The following RBM27 variants were observed in gnomAD, a reference collection of about 807,000 sequenced individuals.
RBM27 encodes the protein RNA binding motif protein 27.
RBM27 carries 22 observed loss-of-function variants against 135.3 expected under a neutral mutation model. The ratio of observed to expected loss-of-function variants is 0.16; its 90% CI spans 0.12 to 0.23. The LOEUF (loss-of-function observed/expected upper bound fraction) is 0.23, where lower values mean the gene tolerates loss of function less well. RBM27 is among the 10% of genes least tolerant of loss of function. The probability of loss-of-function intolerance (pLI) is 1.00; values close to 1 mark genes in which losing one functional copy is unlikely to be tolerated. For synonymous variants in RBM27, 481 were observed against 442.4 expected, an observed-to-expected ratio of 1.09 and a Z score of -1.10; for missense variants, 1,009 against 1,281.0, an observed-to-expected ratio of 0.79 and a Z score of 3.24.
intron 1 of RBM27, among the ~76,000 whole-genome samples, 158 bp downstream of exon 1, chr5:146,203,982 G>A (rs1196577856): frequency 6.6e-6 from 1 of 152,124 alleles, no homozygotes; most frequent in South Asian, 2.1e-4. Flanking sequence ...TTGTGGTGGG[G>A]GTGAGGGTGG....
intron 8 of RBM27, among the ~76,000 whole-genome samples, chr5:146,248,724 C>T (rs1299308251): frequency 6.6e-6 from 1 of 152,190 alleles, no homozygotes; most frequent in Non-Finnish European, 1.5e-5. Context: ...CCTTGGCCTC[C>T]CAAAGTGCTG....
At chr5:146,283,557 A>G (rs1759455193) in intron 19 of RBM27, among the ~76,000 whole-genome samples, 1 of 151,968 alleles carries the variant, frequency 6.6e-6, no homozygotes, top group South Asian at 2.1e-4. Context: ...AAAAAAAGGT[A>G]CATATCTATA....
chr5:146,255,007 G>T lies in RBM27; in HGVS notation c.1509G>T (p.Gln503His). The change falls in exon 10 of 21, where the codon CAG becomes CAT. Residue 503 changes from glutamine (Q) to histidine (H), a missense_variant. Gln to His is a conservative substitution (Grantham distance 24). Transcript: ENST00000265271. ...APSITSSGRS[Q>H]YRQFFSRTQT... is the part of the protein sequence containing the mutation. ...GTATTACTAGTTCTGGTAGATCTCA[G>T]TACAGACAGTTCTTTTCAAGAACTC... 2 of 1,600,188 alleles carry T rather than the reference G, an allele frequency of 1.2e-6. No homozygotes were observed. Among genetic ancestry groups the T allele is most frequent in the East Asian group, 4.5e-5 (2 of 44,782 alleles).
intron 19 of RBM27, among the ~76,000 whole-genome samples, chr5:146,283,351 G>T (rs1185543287): frequency 6.6e-6 from 1 of 152,066 alleles, no homozygotes; most frequent in African/African-American, 2.4e-5. Flanking sequence ...ACCAGCCTGG[G>T]CAACATCGGG....
intron 8 of RBM27, among the ~76,000 whole-genome samples, chr5:146,247,065 T>C (rs1056519297): frequency 1.3e-5 from 2 of 151,738 alleles, no homozygotes; most frequent in African/African-American, 4.8e-5. Context: ...GGGCTCCCCA[T>C]GTTGCCCAGG....
chr5:146,230,715 G>T lies in RBM27; in HGVS notation c.648G>T (p.Val216=). ...GGAATGACCTGGAGAGTTCCTATGTGCCTGTGTCTGCACCACCTCCAAACT... is the reference window on the plus strand; with the variant it reads ...GGAATGACCTGGAGAGTTCCTATGTTCCTGTGTCTGCACCACCTCCAAACT... ...SERNDLESSY[V]PVSAPPPNSS... The change falls in exon 6 of 21, where the codon GTG becomes GTT. Residue 216 remains valine, a synonymous_variant. Transcript: ENST00000265271. The T allele has an allele frequency of 8.1e-6, 13 of 1,613,848 alleles. No individual in the cohort carries two copies. The highest frequency in any genetic ancestry group is 1.0e-5 in the Non-Finnish European group (12 of 1,179,750).
In RBM27 at chr5:146,287,153, G is replaced by C. The variant is rs761177548; in HGVS notation, c.*1123G>C. On this transcript the variant is annotated 3_prime_UTR_variant, in exon 21 of 21. Transcript: ENST00000265271. Reference sequence around the variant, plus strand: ...TGGGGGGTGGAGGTGGGAGGGGGTTGAGGGCTGAGTATGCTAGTAATAAAT... The same window carrying C: ...TGGGGGGTGGAGGTGGGAGGGGGTTCAGGGCTGAGTATGCTAGTAATAAAT... The C allele has an allele frequency of 6.6e-6, 1 of 151,936 alleles. No individual in the cohort carries two copies. Among genetic ancestry groups the C allele is most frequent in the Non-Finnish European group, 1.5e-5 (1 of 67,948 alleles). 9.4% of individuals were successfully genotyped at this position (151,936 alleles called of 1,614,324 possible). A position where few individuals can be genotyped will look rare whatever the true frequency, so the allele number is the denominator to read the frequency against.
At position 146,224,229 on chromosome 5, in the gene RBM27, T is replaced by TTATG. The variant is rs201877989; in HGVS notation, c.303+712_303+715dup. Among the ~76,000 whole-genome samples the TTATG allele has an allele frequency of 9.4e-3, 1,435 of 152,218 alleles. 26 individuals carry two copies. Among genetic ancestry groups the TTATG allele is most frequent in the African/African-American group, 0.033 (1,362 of 41,504 alleles). ...AGTACTTATTGAGGATTAAGTGAGA[T>TTATG]TATGTATGTATGTGTGTATATATAT... On this transcript the variant is annotated intron_variant, in intron 3 of 20. Transcript: ENST00000265271.
At chr5:146,204,043 G>A (rs1343796121) in intron 1 of RBM27, among the ~76,000 whole-genome samples, 1 of 152,116 alleles carries the variant, frequency 6.6e-6, no homozygotes, top group African/African-American at 2.4e-5. Flanking sequence ...GACTGGGGGG[G>A]CAGGCAAGGA....
intron 1 of RBM27, among the ~76,000 whole-genome samples, chr5:146,217,849 C>CCCAGCCTCAAGCATCCT (rs1159293739): frequency 6.6e-6 from 1 of 152,064 alleles, no homozygotes; most frequent in Non-Finnish European, 1.5e-5. Flanking sequence ...ATTTCTGCCT[C>CCCAGCCTCAAGCATCCT]CCAGCCTCAA....
At chr5:146,265,385 T>C (rs1226674337) in intron 14 of RBM27, among the ~76,000 whole-genome samples, 2 of 152,138 alleles carry the variant, frequency 1.3e-5, no homozygotes, top group African/African-American at 4.8e-5. Context: ...GTAGAGGCAC[T>C]GAACACAGAG....
chr5:146,220,044 GT>G (rs941171270), intron 2 of RBM27, among the ~76,000 whole-genome samples: 2 of 151,930 alleles, frequency 1.3e-5, no homozygotes, highest in African/African-American at 4.8e-5. Flanking sequence ...CTGTTTTGTT[GT>G]TTTCATGGCA....
chr5:146,213,262 C>G (rs1756046459), intron 1 of RBM27, among the ~76,000 whole-genome samples: 1 of 152,048 alleles, frequency 6.6e-6, no homozygotes, highest in Non-Finnish European at 1.5e-5. Flanking sequence ...ACCACCATGC[C>G]CAGCTAATTT....
At chr5:146,254,640 G>A (rs186859815) in intron 9 of RBM27, among the ~76,000 whole-genome samples, 2 of 152,040 alleles carry the variant, frequency 1.3e-5, no homozygotes, top group African/African-American at 4.8e-5. Context: ...AGCTATTTAC[G>A]TAGCATTTAT....
At chr5:146,239,467 C>CTTTTT (rs368919868) in intron 8 of RBM27, among the ~76,000 whole-genome samples, 14 of 130,834 alleles carry the variant, frequency 1.1e-4, no homozygotes, top group African/African-American at 3.9e-4. Context: ...TTTTTTTTTC[C>CTTTTT]TTTTCTTTTT....
intron 16 of RBM27, 34 bp from the exon 17 acceptor site, chr5:146,269,386 A>G: frequency 2.0e-6 from 3 of 1,509,924 alleles, no homozygotes; most frequent in South Asian, 1.3e-5. Context: ...AAGTTTATTA[A>G]GCATGGTTTT....
intron 1 of RBM27, among the ~76,000 whole-genome samples, chr5:146,208,206 C>T (rs551973456): frequency 9.9e-5 from 15 of 151,930 alleles, no homozygotes; most frequent in Non-Finnish European, 2.1e-4. Flanking sequence ...CCACCTGCCT[C>T]GGCCTCCAAA....
At chr5:146,235,671 AT>A (rs895518703) in intron 7 of RBM27, among the ~76,000 whole-genome samples, 23 of 149,452 alleles carry the variant, frequency 1.5e-4, no homozygotes, top group East Asian at 3.9e-4. Context: ...AGCATTTGTG[AT>A]TTTTTTTTTC....
chr5:146,231,816 T>C (rs1365482894), intron 6 of RBM27, among the ~76,000 whole-genome samples: 1 of 151,984 alleles, frequency 6.6e-6, no homozygotes, highest in African/African-American at 2.4e-5. Context: ...GGTTTCACCA[T>C]GTTGGTCAGG....
Sources: allele counts gnomAD v4.1 joint callset (sites outside exome capture counted in the v4.1 genomes callset), GRCh38; gene constraint gnomAD v4.1.1; transcripts MANE v1.5; gene names NCBI Gene and HGNC (gene_info 2026-07-23, HGNC 2026-07-21).